The following TRIO variants were observed in gnomAD, a reference collection of about 807,000 sequenced individuals.
TRIO encodes triple functional domain protein.
TRIO carries 58 observed loss-of-function variants against 351.9 expected under a neutral mutation model. The observed-to-expected ratio is 0.16, with a 90% CI of 0.13 to 0.21. The LOEUF is 0.21. Among genes scored for constraint, TRIO ranks in the 10% least tolerant of loss-of-function variants. The probability of loss-of-function intolerance (pLI) is 1.00; values close to 1 mark genes in which losing one functional copy is unlikely to be tolerated. For synonymous variants in TRIO, 1,758 were observed against 1,595.7 expected (o/e 1.10, Z -2.42); for missense variants, 3,201 against 4,027.8 (o/e 0.79, Z 5.56).
chr5:14,222,803 T>C (rs1217637578), intron 1 of TRIO, among the ~76,000 whole-genome samples: 2 of 152,224 alleles, frequency 1.3e-5, no homozygotes, highest in Non-Finnish European at 2.9e-5. Flanking sequence ...GAAGCCCCAG[T>C]TGATCAGACT....
chr5:14,268,897 A>T (rs994976766), intron 1 of TRIO, among the ~76,000 whole-genome samples: 1 of 152,186 alleles, frequency 6.6e-6, no homozygotes, highest in Non-Finnish European at 1.5e-5. Context: ...ACATTCAGTG[A>T]GTTACGGTGA....
At chr5:14,423,685 T>C (rs534216750) in intron 34 of TRIO, among the ~76,000 whole-genome samples, 39 of 152,246 alleles carry the variant, frequency 2.6e-4, no homozygotes, top group South Asian at 2.5e-3. Context: ...CCTGGGCAAA[T>C]GAGCGTCTCT....
At chr5:14,291,966 T>A (rs375788547) in intron 5 of TRIO, among the ~76,000 whole-genome samples, 12 of 152,206 alleles carry the variant, frequency 7.9e-5, no homozygotes, top group Admixed American at 7.8e-4. Context: ...TTTATTCTTA[T>A]GCACCAGGCA....
chr5:14,232,880 G>C (rs1793535103), intron 1 of TRIO, among the ~76,000 whole-genome samples: 1 of 152,232 alleles, frequency 6.6e-6, no homozygotes, highest in Admixed American at 6.5e-5. Context: ...TAGAGGACCA[G>C]CTGGTATCCA....
chr5:14,324,755 T>G (rs1275338599), intron 9 of TRIO, among the ~76,000 whole-genome samples: 1 of 152,206 alleles, frequency 6.6e-6, no homozygotes, highest in Non-Finnish European at 1.5e-5. Flanking sequence ...TATTTGTGAT[T>G]CAGAATTCAG....
At position 14,378,135 on chromosome 5, in the gene TRIO, C is replaced by G; in HGVS notation, c.3447+8C>G. 6.2e-7 allele frequency: 1 copy of G among 1,600,260 alleles called. No homozygotes were observed. Among genetic ancestry groups the G allele is most frequent in the Non-Finnish European group, 8.5e-7 (1 of 1,171,432 alleles). On this transcript the variant is annotated splice_region_variant and intron_variant, in intron 20 of 56. Transcript: ENST00000344204. ...GAGAGGAGTGCCAAGCAGGTCAGTG[C>G]ACACCTGGTGCCCAGCCTCCCCCTA...
chr5:14,324,890 T>G (rs558496907), intron 9 of TRIO, among the ~76,000 whole-genome samples: 1 of 152,332 alleles, frequency 6.6e-6, no homozygotes, highest in East Asian at 1.9e-4. Context: ...GACTTGCACT[T>G]ATTAAGTACT....
intron 8 of TRIO, among the ~76,000 whole-genome samples, chr5:14,310,270 G>A (rs923590405): frequency 2.0e-5 from 3 of 152,206 alleles, no homozygotes; most frequent in African/African-American, 7.2e-5. Flanking sequence ...TGCCTCACAA[G>A]CCTCAATGCC....
chr5:14,404,154 A>G (rs1185379393), intron 31 of TRIO, among the ~76,000 whole-genome samples: 1 of 151,812 alleles, frequency 6.6e-6, no homozygotes, highest in African/African-American at 2.4e-5. Flanking sequence ...TTATGGTGGT[A>G]GAGAACGTGA....
intron 46 of TRIO, among the ~76,000 whole-genome samples, chr5:14,484,226 TTATTTGACA>T (rs1436834802): frequency 2.6e-5 from 4 of 152,252 alleles, no homozygotes; most frequent in Non-Finnish European, 5.9e-5. Flanking sequence ...TTTTATAAAA[TTATTTGACA>T]TATTTTAATC....
chr5:14,493,373 C>T (rs1180485761), intron 49 of TRIO, among the ~76,000 whole-genome samples: 10 of 152,172 alleles, frequency 6.6e-5, no homozygotes, highest in Middle Eastern at 3.4e-3. Context: ...TGTCCAACAA[C>T]GTATGCTCAC....
chr5:14,399,446 T>A (rs1206649154), intron 30 of TRIO: 1 of 282,912 alleles, frequency 3.5e-6, no homozygotes, highest in Non-Finnish European at 6.5e-6. Context: ...AACATTGGAG[T>A]ATATGGAAAC....
intron 1 of TRIO, among the ~76,000 whole-genome samples, chr5:14,246,942 C>T (rs1445772069): frequency 6.6e-6 from 1 of 152,242 alleles, no homozygotes; most frequent in Non-Finnish European, 1.5e-5. Context: ...CTCCACCCTG[C>T]TCACTGAGTC....
chr5:14,304,972 C>A (rs1738233015), intron 8 of TRIO, among the ~76,000 whole-genome samples: 1 of 152,198 alleles, frequency 6.6e-6, no homozygotes, highest in Admixed American at 6.5e-5. Context: ...GATTGCAAGG[C>A]ACACATGTGT....
intron 1 of TRIO, among the ~76,000 whole-genome samples, chr5:14,177,831 C>T (rs1390296678): frequency 1.3e-5 from 2 of 152,178 alleles, no homozygotes; most frequent in Non-Finnish European, 2.9e-5. Context: ...CATGCTAATG[C>T]AAGACTTTCT....
chr5:14,429,197 G>A (rs533739774), intron 34 of TRIO, among the ~76,000 whole-genome samples: 62 of 152,268 alleles, frequency 4.1e-4, no homozygotes, highest in African/African-American at 1.3e-3. Context: ...ATATAATTCC[G>A]CAGGGTGGGT....
intron 1 of TRIO, among the ~76,000 whole-genome samples, chr5:14,270,023 C>G (rs189935813): frequency 1.3e-5 from 2 of 152,310 alleles, no homozygotes; most frequent in Admixed American, 1.3e-4. Context: ...TTTTGGACCC[C>G]AAATTCCCAC....
At chr5:14,440,489 G>A (rs924050157) in intron 34 of TRIO, among the ~76,000 whole-genome samples, 5 of 152,146 alleles carry the variant, frequency 3.3e-5, no homozygotes, top group Admixed American at 2.0e-4. Context: ...ATGTTTCTCC[G>A]CTAAGGAAAA....
intron 34 of TRIO, among the ~76,000 whole-genome samples, chr5:14,452,911 GT>G (rs1361070487): frequency 6.6e-6 from 1 of 151,926 alleles, no homozygotes; most frequent in Non-Finnish European, 1.5e-5. Flanking sequence ...TTTTTTTAAG[GT>G]TTTTATTAAT....
Sources: gnomAD v4.1 joint callset for allele counts (sites outside exome capture counted in the v4.1 genomes callset) on GRCh38, gnomAD v4.1.1 for gene constraint, MANE v1.5 for transcripts, NCBI Gene and HGNC (gene_info 2026-07-23, HGNC 2026-07-21) for gene names.